The following UVRAG variants were observed in gnomAD, a reference collection of about 807,000 sequenced individuals.
UVRAG encodes UV radiation resistance-associated gene protein.
A neutral mutation model predicts 78.0 loss-of-function variants in UVRAG; 19 were observed. That is an observed-to-expected ratio of 0.24 (90% CI 0.17 to 0.36). The LOEUF (loss-of-function observed/expected upper bound fraction) is 0.36. Among genes scored for constraint, UVRAG ranks in the 10% least tolerant of loss-of-function variants. UVRAG has a pLI of 1.00. For synonymous variants in UVRAG, 323 were observed against 324.6 expected, an observed-to-expected ratio of 1.00 and a Z score of 0.05; for missense variants, 740 against 853.8, an observed-to-expected ratio of 0.87 and a Z score of 1.66.
At chr11:76,131,291 C>A (rs1732520931) in intron 14 of UVRAG, among the ~76,000 whole-genome samples, 2 of 152,198 alleles carry the variant, frequency 1.3e-5, no homozygotes, top group African/African-American at 4.8e-5. Flanking sequence ...TGTGTATTCC[C>A]TGATCCCATG....
intron 5 of UVRAG, chr11:75,911,440 G>A (rs946249158): frequency 6.1e-6 from 1 of 163,594 alleles, no homozygotes; most frequent in Admixed American, 6.5e-5. Context: ...GTTGCCCCAG[G>A]TGATGTTCAG....
At chr11:75,949,890 C>T (rs185657782) in intron 6 of UVRAG, among the ~76,000 whole-genome samples, 2 of 151,916 alleles carry the variant, frequency 1.3e-5, no homozygotes, top group African/African-American at 2.4e-5. Context: ...CAGAATGTTC[C>T]CTCATTTGCC....
chr11:75,931,030 G>A (rs1948229816), intron 6 of UVRAG: 1 of 141,026 alleles, frequency 7.1e-6, no homozygotes, highest in African/African-American at 2.6e-5. Flanking sequence ...TTCATCAAAA[G>A]TTTCTTTTCA....
At chr11:75,935,500 C>T (rs936950788) in intron 6 of UVRAG, among the ~76,000 whole-genome samples, 4 of 152,036 alleles carry the variant, frequency 2.6e-5, no homozygotes, top group Admixed American at 6.5e-5. Context: ...TCTGCTATAT[C>T]AGTGGATTGA....
At chr11:75,959,604 G>A (rs1007602896) in intron 6 of UVRAG, among the ~76,000 whole-genome samples, 4 of 152,170 alleles carry the variant, frequency 2.6e-5, no homozygotes, top group South Asian at 4.1e-4. Context: ...AACTCTTTCC[G>A]CATCAGCAAT....
chr11:75,880,087 C>A, intron 4 of UVRAG, 47 bp downstream of exon 4: 2 of 1,592,026 alleles, frequency 1.3e-6, no homozygotes, highest in South Asian at 2.3e-5. Flanking sequence ...TCCAAATTAA[C>A]GTGTCTAACC....
intron 14 of UVRAG, among the ~76,000 whole-genome samples, chr11:76,118,079 C>T (rs941879102): frequency 6.6e-6 from 1 of 152,146 alleles, no homozygotes; most frequent in African/African-American, 2.4e-5. Flanking sequence ...CATGTTACAT[C>T]GCTTGCTTTT....
intron 3 of UVRAG, among the ~76,000 whole-genome samples, chr11:75,877,159 T>C (rs1478757534): frequency 6.6e-6 from 1 of 151,838 alleles, no homozygotes; most frequent in Non-Finnish European, 1.5e-5. Context: ...GAGCACAGGG[T>C]TGGGGGGTAA....
intron 8 of UVRAG, among the ~76,000 whole-genome samples, chr11:75,990,794 A>G (rs985768011): frequency 1.5e-4 from 23 of 152,186 alleles, no homozygotes; most frequent in East Asian, 5.8e-4. Context: ...TTATTAGTCT[A>G]TCTCCTTCTC....
chr11:76,019,115 A>C (rs574294981), intron 12 of UVRAG, among the ~76,000 whole-genome samples: 2 of 152,182 alleles, frequency 1.3e-5, no homozygotes, highest in African/African-American at 4.8e-5. Flanking sequence ...CAATTCTGCT[A>C]TTAAGAGACT....
chr11:75,906,249 A>G (rs1947612095), intron 5 of UVRAG, among the ~76,000 whole-genome samples: 1 of 152,144 alleles, frequency 6.6e-6, no homozygotes, highest in East Asian at 1.9e-4. Context: ...TTTTTATATC[A>G]TATCTAAGAA....
chr11:75,976,488 G>T (rs535158353), intron 7 of UVRAG, among the ~76,000 whole-genome samples: 1 of 152,084 alleles, frequency 6.6e-6, no homozygotes, highest in Non-Finnish European at 1.5e-5. Flanking sequence ...CTGTGAATCT[G>T]TCTGGTCCTG....
At chr11:76,064,185 GT>G in intron 12 of UVRAG, among the ~76,000 whole-genome samples, 1 of 152,166 alleles carries the variant, frequency 6.6e-6, no homozygotes, top group East Asian at 1.9e-4. Flanking sequence ...ATACGAAACA[GT>G]TTCTAGATTT....
intron 2 of UVRAG, among the ~76,000 whole-genome samples, chr11:75,859,985 G>A (rs770052915): frequency 6.6e-6 from 1 of 151,990 alleles, no homozygotes; most frequent in Admixed American, 6.6e-5. Context: ...TTTTGCTCTC[G>A]CTCAGGCTGA....
chr11:76,006,663 A>AG (rs1451892521), intron 9 of UVRAG, among the ~76,000 whole-genome samples: 3 of 141,280 alleles, frequency 2.1e-5, no homozygotes, highest in African/African-American at 8.3e-5. Flanking sequence ...CCCGTCTCAA[A>AG]AAAAAAAAAA....
rs546664075 is a variant in UVRAG at position 75,979,279 on chromosome 11, G to A, written c.700-4108G>A. On this transcript the variant is annotated intron_variant, in intron 7 of 14. Transcript: ENST00000356136. ...CACCTGGCCGTATGAGGTGTCAGTC[G>A]GCCCCTGCTGGGAGGTGCCTCCCAG... Among the ~76,000 whole-genome samples the A allele has an allele frequency of 5.3e-5, 8 of 152,292 alleles. No individual in the cohort carries two copies. In the East Asian group the frequency reaches 7.7e-4, roughly 15 times the overall value.
intron 5 of UVRAG, chr11:75,911,270 C>A: frequency 1.2e-5 from 2 of 162,058 alleles, no homozygotes; most frequent in East Asian, 1.6e-4. Flanking sequence ...GCATTTTTTA[C>A]TGCCTCTCTC....
intron 6 of UVRAG, among the ~76,000 whole-genome samples, chr11:75,933,998 TG>T (rs1948304449): frequency 6.6e-6 from 1 of 152,216 alleles, no homozygotes; most frequent in Admixed American, 6.5e-5. Context: ...ATCCCACTGC[TG>T]GGCATATAGC....
At chr11:76,107,559 G>T (rs1951994039) in intron 13 of UVRAG, among the ~76,000 whole-genome samples, 1 of 152,158 alleles carries the variant, frequency 6.6e-6, no homozygotes, top group South Asian at 2.1e-4. Flanking sequence ...TATCTATTTT[G>T]GAAAAGACTG....
Sources: gnomAD v4.1 joint callset for allele counts (sites outside exome capture counted in the v4.1 genomes callset) on GRCh38, gnomAD v4.1.1 for gene constraint, MANE v1.5 for transcripts, NCBI Gene and HGNC (gene_info 2026-07-23, HGNC 2026-07-21) for gene names.